The following MPP7 variants were observed in gnomAD, a reference collection of about 807,000 sequenced individuals.
The protein encoded by MPP7 is MAGUK p55 subfamily member 7.
MPP7 carries 60 observed loss-of-function variants against 76.5 expected under a neutral mutation model. The ratio of observed to expected loss-of-function variants is 0.78; its 90% CI spans 0.64 to 0.97. MPP7 has a LOEUF of 0.97. Ranked by LOEUF, MPP7 falls within the 50% of genes least tolerant of loss-of-function variation. The probability of loss-of-function intolerance (pLI) is 0.00; values close to 1 mark genes in which losing one functional copy is unlikely to be tolerated. For synonymous variants in MPP7, 237 were observed against 244.5 expected (o/e 0.97, Z 0.29); for missense variants, 641 against 694.0 (o/e 0.92, Z 0.86).
intron 11 of MPP7, among the ~76,000 whole-genome samples, chr10:28,114,601 T>C (rs1347866080): frequency 6.6e-6 from 1 of 152,080 alleles, no homozygotes; most frequent in African/African-American, 2.4e-5. Context: ...AGAAACTGTG[T>C]CTATATTAGT....
At chr10:28,064,513 G>A (rs1021734820) in intron 13 of MPP7, among the ~76,000 whole-genome samples, 5 of 152,204 alleles carry the variant, frequency 3.3e-5, no homozygotes, top group African/African-American at 1.2e-4. Context: ...TCATTATGTT[G>A]ACTGTGCTGA....
intron 11 of MPP7, among the ~76,000 whole-genome samples, chr10:28,093,138 T>C (rs1447966612): frequency 2.6e-5 from 4 of 152,104 alleles, no homozygotes; most frequent in Non-Finnish European, 4.4e-5. Flanking sequence ...AATGCTGATA[T>C]TTCACAGCAT....
intron 1 of MPP7, among the ~76,000 whole-genome samples, chr10:28,331,712 T>C (rs1834471082): frequency 6.6e-6 from 1 of 152,008 alleles, no homozygotes; most frequent in South Asian, 2.1e-4. Flanking sequence ...GTAGCTGGGA[T>C]TACAGGTGCA....
At chr10:28,098,317 A>G (rs903022983) in intron 11 of MPP7, among the ~76,000 whole-genome samples, 6 of 151,686 alleles carry the variant, frequency 4.0e-5, no homozygotes, top group African/African-American at 1.4e-4. Context: ...AATAAATGGG[A>G]AAAAAAAGAC....
chr10:28,190,871 T>C (rs1031904622), intron 3 of MPP7, among the ~76,000 whole-genome samples: 9 of 151,560 alleles, frequency 5.9e-5, no homozygotes, highest in African/African-American at 2.2e-4. Context: ...TTTTAAATGA[T>C]TAATAAAATT....
intron 12 of MPP7, among the ~76,000 whole-genome samples, chr10:28,083,832 C>T (rs1852879885): frequency 1.3e-5 from 2 of 152,198 alleles, no homozygotes; most frequent in African/African-American, 2.4e-5. Flanking sequence ...GCCACCGCAC[C>T]TGGCCTTTAC....
intron 1 of MPP7, among the ~76,000 whole-genome samples, chr10:28,268,474 G>A (rs1160454217): frequency 6.6e-6 from 1 of 152,172 alleles, no homozygotes; most frequent in African/African-American, 2.4e-5. Flanking sequence ...GCTCATGCCT[G>A]TAATCCCAGC....
chr10:28,166,566 C>A (rs1252109992), intron 3 of MPP7, among the ~76,000 whole-genome samples: 1 of 151,990 alleles, frequency 6.6e-6, no homozygotes, highest in East Asian at 1.9e-4. Context: ...CACCATCACA[C>A]CCGGCTAATT....
chr10:28,291,713 A>T (rs992989946), intron 1 of MPP7, among the ~76,000 whole-genome samples: 3 of 152,202 alleles, frequency 2.0e-5, no homozygotes, highest in Admixed American at 6.5e-5. Flanking sequence ...ATTTTAAAAA[A>T]TTTTTTTAAT....
chr10:28,185,063 T>C (rs1244604329), intron 3 of MPP7, among the ~76,000 whole-genome samples: 1 of 148,026 alleles, frequency 6.8e-6, no homozygotes, highest in Non-Finnish European at 1.5e-5. Context: ...GTACAGTGGT[T>C]TATGCCTGTA....
intron 2 of MPP7, among the ~76,000 whole-genome samples, chr10:28,211,847 A>T (rs1838148725): frequency 6.6e-6 from 1 of 152,104 alleles, no homozygotes; most frequent in African/African-American, 2.4e-5. Context: ...CCCAGATCAC[A>T]CAGGGCCTGA....
At chr10:28,170,665 T>C (rs540583253) in intron 3 of MPP7, among the ~76,000 whole-genome samples, 2 of 151,802 alleles carry the variant, frequency 1.3e-5, no homozygotes, top group South Asian at 4.2e-4. Flanking sequence ...CTTCAGATAA[T>C]TTTTGAGGTC....
intron 1 of MPP7, among the ~76,000 whole-genome samples, chr10:28,241,464 T>C (rs979835602): frequency 6.6e-6 from 1 of 152,196 alleles, no homozygotes; most frequent in Non-Finnish European, 1.5e-5. Context: ...TTGTATTTTG[T>C]GGAATGAAGC....
intron 2 of MPP7, among the ~76,000 whole-genome samples, chr10:28,309,754 T>C (rs1359989713): frequency 6.6e-6 from 1 of 152,180 alleles, no homozygotes; most frequent in Non-Finnish European, 1.5e-5. Flanking sequence ...GGCGGATCCC[T>C]CGTGGCTTGG....
At chr10:28,263,927 AT>A (rs1260679851) in intron 1 of MPP7, among the ~76,000 whole-genome samples, 2 of 152,122 alleles carry the variant, frequency 1.3e-5, no homozygotes, top group Non-Finnish European at 2.9e-5. Flanking sequence ...TCCATACCCA[AT>A]TCCAGAGGCA....
At chr10:28,262,007 C>T (rs1249653533) in intron 1 of MPP7, among the ~76,000 whole-genome samples, 5 of 150,308 alleles carry the variant, frequency 3.3e-5, no homozygotes, top group African/African-American at 1.2e-4. Context: ...AAAAATTAGC[C>T]GGGCATGGTG....
chr10:28,212,689 G>A (rs1407621785), intron 2 of MPP7, among the ~76,000 whole-genome samples: 2 of 152,190 alleles, frequency 1.3e-5, no homozygotes, highest in Non-Finnish European at 2.9e-5. Flanking sequence ...AGAGAGGAGG[G>A]ACCAGCAACC....
At chr10:28,100,124 A>T (rs1444209014) in intron 11 of MPP7, among the ~76,000 whole-genome samples, 7 of 89,236 alleles carry the variant, frequency 7.8e-5, no homozygotes, top group African/African-American at 2.9e-4. Context: ...AGAAGATTAA[A>T]AAAAAAAAAA....
chr10:28,313,212 A>G (rs1282175649), intron 2 of MPP7, among the ~76,000 whole-genome samples: 1 of 152,226 alleles, frequency 6.6e-6, no homozygotes. Context: ...TACAATTAAA[A>G]AAATAAAGCC....
Sources: allele counts gnomAD v4.1 joint callset (sites outside exome capture counted in the v4.1 genomes callset), GRCh38; gene constraint gnomAD v4.1.1; transcripts MANE v1.5; gene names NCBI Gene and HGNC (gene_info 2026-07-23, HGNC 2026-07-21).